Variants in SEC61A1 observed in about 807,000 individuals in gnomAD.
SEC61A1 encodes protein transport protein Sec61 subunit alpha isoform 1.
SEC61A1 carries 15 observed loss-of-function variants against 55.2 expected under a neutral mutation model. That is an observed-to-expected ratio of 0.27 (90% CI 0.18 to 0.42). The LOEUF (loss-of-function observed/expected upper bound fraction) is 0.42, where lower values mean the gene tolerates loss of function less well. Among genes scored for constraint, SEC61A1 ranks in the 10% least tolerant of loss-of-function variants. The probability of loss-of-function intolerance (pLI) is 1.00; values close to 1 mark genes in which losing one functional copy is unlikely to be tolerated. For synonymous variants in SEC61A1, 247 were observed against 234.0 expected (o/e 1.06, Z -0.51); for missense variants, 284 against 602.6 (o/e 0.47, Z 5.53).
intron 7 of SEC61A1, among the ~76,000 whole-genome samples, chr3:128,063,094 C>T (rs1306830325): frequency 6.6e-6 from 1 of 152,212 alleles, no homozygotes; most frequent in Non-Finnish European, 1.5e-5. Flanking sequence ...GGTTACTCTT[C>T]CCATTCCCTC....
chr3:128,057,507 A>G (rs1191108053), intron 5 of SEC61A1, among the ~76,000 whole-genome samples: 1 of 152,232 alleles, frequency 6.6e-6, no homozygotes, highest in African/African-American at 2.4e-5. Flanking sequence ...TAAGGATTAA[A>G]TAATCACTGT....
In SEC61A1 at chr3:128,067,366, G is replaced by T. The variant is rs142087369; in HGVS notation, c.976-55G>T. 1.3e-6 allele frequency: 2 copies of T among 1,548,642 alleles called. No individual in the cohort carries two copies. The highest frequency in any genetic ancestry group is 1.9e-5 in the Admixed American group (1 of 51,940). ...ATCTGCTCAGAACTATTTTTGCCTT[G>T]ATGCTAAAGTAAAATGAAGGAGCAC... On this transcript the variant is annotated intron_variant, in intron 9 of 11. Coordinates refer to ENST00000243253, the MANE Select transcript of SEC61A1 (RefSeq NM_013336.4). This position sits in a 1 kb window ranked among gnomAD's most constrained non-coding sequence, Gnocchi z 4.1.
At chr3:128,069,361 A>G (rs905289536) in intron 11 of SEC61A1, 115 bp from the exon 12 acceptor site, 2 of 958,842 alleles carry the variant, frequency 2.1e-6, no homozygotes, top group Admixed American at 4.5e-5. Context: ...TTTCTAGGAG[A>G]CAGCAGAGGG....
chr3:128,060,746 T>G, intron 7 of SEC61A1, 85 bp downstream of exon 7: 1 of 1,339,128 alleles, frequency 7.5e-7, no homozygotes, highest in Non-Finnish European at 1.0e-6. Flanking sequence ...AATCCCCCCA[T>G]TCCACAGAAA....
chr3:128,052,786 G>A, intron 1 of SEC61A1, 49 bp from the exon 2 acceptor site: 3 of 1,573,162 alleles, frequency 1.9e-6, no homozygotes, highest in Non-Finnish European at 2.6e-6. Context: ...AGCGCGGAAG[G>A]TTACTTCTCT....
upstream of SEC61A1, chr3:128,051,917 C>T (rs763869997): frequency 1.7e-4 from 268 of 1,532,652 alleles, no homozygotes; most frequent in Non-Finnish European, 2.3e-4. Flanking sequence ...CTCGGTAAGC[C>T]CCACCAGCCC....
At chr3:128,056,092 G>A (rs527683303) in intron 4 of SEC61A1, among the ~76,000 whole-genome samples, 43 of 151,974 alleles carry the variant, frequency 2.8e-4, no homozygotes, top group Non-Finnish European at 4.4e-4. Flanking sequence ...TATGTAATTT[G>A]TTTTTCAGCT....
At chr3:128,051,746 C>A (rs955419465), upstream of SEC61A1, 29 of 1,492,728 alleles carry the variant, frequency 1.9e-5, no homozygotes, top group Non-Finnish European at 2.5e-5. Context: ...TCCCAGGAGG[C>A]CTTCCTGAAT....
chr3:128,067,480 G>A lies in SEC61A1; in HGVS notation c.1035G>A (p.Leu345=), dbSNP rs1271089133. 6.2e-7 allele frequency: 1 copy of A among 1,614,026 alleles called. No individual in the cohort carries two copies. Among genetic ancestry groups the A allele is most frequent in the African/African-American group, 1.3e-5 (1 of 74,886 alleles). ...CAGTTGGTGGCCTTTGCTATTACCT[G>A]TCCCCTCCAGAATCTTTTGGCTCCG... ...AYPVGGLCYY[L]SPPESFGSVL... is the part of the protein sequence containing the mutation. Residue 345 remains leucine (L), a synonymous_variant, in exon 10 of 12, where the codon CTG becomes CTA. Transcript: ENST00000243253. This position sits in a 1 kb window ranked among gnomAD's most constrained non-coding sequence, Gnocchi z 4.1.
intron 4 of SEC61A1, 40 bp from the exon 5 acceptor site, chr3:128,056,669 C>A: frequency 6.9e-7 from 1 of 1,446,942 alleles, no homozygotes. Context: ...ACTACGTTTC[C>A]AAGCTGATAT....
In SEC61A1 at chr3:128,065,257, G is replaced by A. The variant is rs536331447; in HGVS notation, c.777+220G>A. ...GAAACAAAATTAAGGCAGTTCTAAC[G>A]TAAGTGAAATCATGTTCTTCTGGGT... On this transcript the variant is annotated intron_variant, in intron 8 of 11. Coordinates refer to ENST00000243253, the MANE Select transcript of SEC61A1 (RefSeq NM_013336.4). 1.6e-4 allele frequency: 103 copies of A among 630,358 alleles called. 2 individuals carry two copies. In the South Asian group the frequency reaches 1.7e-3, roughly 10 times the overall value. 39.0% of individuals were successfully genotyped at this position (630,358 alleles called of 1,614,324 possible).
In SEC61A1 at chr3:128,067,068, GT is replaced by G. The variant is rs1436459737; in HGVS notation, c.893del (p.Val298GlyfsTer58). The G allele has an allele frequency of 6.2e-7, 1 of 1,614,064 alleles. No homozygotes were observed. The highest frequency in any genetic ancestry group is 8.5e-7 in the Non-Finnish European group (1 of 1,180,040). On this transcript the variant is annotated frameshift_variant, in exon 9 of 12. Transcript: ENST00000243253. LOFTEE classifies it high-confidence loss of function. The surrounding 1 kb of genome is among the most constrained non-coding windows in gnomAD (Gnocchi z 4.1). ...NIPIILQSAL[V>X]SNLYVISQML... ...CCCCATCATCCTGCAGTCTGCCCTGGTGTCCAACCTTTATGTCATCTCCCAA... is the reference window on the plus strand; with the variant it reads ...CCCCATCATCCTGCAGTCTGCCCTGGGTCCAACCTTTATGTCATCTCCCAA...
In SEC61A1 at chr3:128,069,790, C is replaced by G. The variant is rs560436975; in HGVS notation, c.*128C>G. ...TTTTTGAATTTCGTATTCTTTCATT[C>G]CACTGTGTAAAGTGCTAGACATTTT... is the stretch of plus-strand genomic sequence containing the variant. On this transcript the variant is annotated 3_prime_UTR_variant, in exon 12 of 12. Transcript: ENST00000243253. 5.4e-5 allele frequency: 46 copies of G among 858,200 alleles called. 1 individual carries two copies. The African/African-American group carries it at 7.3e-4, about 14-fold the overall frequency. 53.2% of individuals were successfully genotyped at this position (858,200 alleles called of 1,614,324 possible).
rs1208996631 is a variant in SEC61A1 at position 128,055,860 on chromosome 3, A to G, written c.220+109A>G. ...ATGGAACTTAGAGAGTGACTTGGAAAATAGAGTGAAGAATGTTAAAGTGCT... is the reference window on the plus strand; with the variant it reads ...ATGGAACTTAGAGAGTGACTTGGAAGATAGAGTGAAGAATGTTAAAGTGCT... On this transcript the variant is annotated intron_variant, in intron 4 of 11. Coordinates refer to ENST00000243253, the MANE Select transcript of SEC61A1 (RefSeq NM_013336.4). 1.0e-5 allele frequency: 9 copies of G among 881,556 alleles called. No individual in the cohort carries two copies. The South Asian group carries it at 1.3e-4, about 13-fold the overall frequency. 54.6% of individuals were successfully genotyped at this position (881,556 alleles called of 1,614,324 possible).
intron 7 of SEC61A1, among the ~76,000 whole-genome samples, chr3:128,062,402 C>T (rs1941864656): frequency 6.6e-6 from 1 of 152,228 alleles, no homozygotes; most frequent in Non-Finnish European, 1.5e-5. Context: ...CAGGCAGAGA[C>T]AGTAATCACT....
chr3:128,067,864 T>C lies in SEC61A1; in HGVS notation c.1168-119T>C. 1.2e-6 allele frequency: 1 copy of C among 832,828 alleles called. No individual in the cohort carries two copies. The highest frequency in any genetic ancestry group is 1.5e-5 in the South Asian group (1 of 67,826). 51.6% of individuals were successfully genotyped at this position (832,828 alleles called of 1,614,324 possible). A position where few individuals can be genotyped will look rare whatever the true frequency, so the allele number is the denominator to read the frequency against. ...GACTTCCTTGCGGCAGTTTTAAAGT[T>C]CTCTGTATGAATATTGTCAGTGCTC... On this transcript the variant is annotated intron_variant, in intron 10 of 11. Transcript: ENST00000243253. The surrounding 1 kb of genome is among the most constrained non-coding windows in gnomAD (Gnocchi z 4.1).
At chr3:128,054,088 C>T (rs1941733827) in intron 2 of SEC61A1, among the ~76,000 whole-genome samples, 1 of 152,146 alleles carries the variant, frequency 6.6e-6, no homozygotes, top group Admixed American at 6.5e-5. Context: ...AGATGAATAA[C>T]AAGGGCCAGA....
upstream of SEC61A1, chr3:128,051,783 A>AGCTGCCCCGGC (rs1488197180): frequency 1.1e-5 from 17 of 1,526,360 alleles, no homozygotes; most frequent in Non-Finnish European, 1.3e-5. Context: ...CTACTTCCCG[A>AGCTGCCCCGGC]GCTGCCCCGG....
intron 7 of SEC61A1, 105 bp from the exon 8 acceptor site, chr3:128,064,772 A>C: frequency 4.1e-6 from 4 of 980,108 alleles, no homozygotes; most frequent in Non-Finnish European, 4.6e-6. Flanking sequence ...CATGAGTCTA[A>C]TAACTTAAGT....
Sources: gnomAD v4.1 joint callset for allele counts (sites outside exome capture counted in the v4.1 genomes callset) on GRCh38, gnomAD v4.1.1 for gene constraint, Gnocchi (gnomAD v3.1) non-coding constraint, MANE v1.5 for transcripts, NCBI Gene and HGNC (gene_info 2026-07-23, HGNC 2026-07-21) for gene names.